MUC4: variants seen among roughly 807,000 people sequenced by gnomAD.
The protein encoded by MUC4 is mucin 4, cell surface associated.
MUC4 carries 202 observed loss-of-function variants against 257.9 expected under a neutral mutation model. That is an observed-to-expected ratio of 0.78 (90% CI 0.70 to 0.88). The LOEUF (loss-of-function observed/expected upper bound fraction) is 0.88. Among genes scored for constraint, MUC4 ranks in the 40% least tolerant of loss-of-function variants. The pLI is 0.00. For missense variants in MUC4, 5,976 were observed against 6,513.7 expected, an observed-to-expected ratio of 0.92 and a Z score of 2.84; for synonymous variants, 2,351 against 2,757.1, an observed-to-expected ratio of 0.85 and a Z score of 4.62.
chr3:195,810,840 G>C lies in MUC4; in HGVS notation c.82+896C>G, dbSNP rs776264860. On this transcript the variant is annotated intron_variant, in intron 1 of 24. Coordinates refer to ENST00000463781, the MANE Select transcript of MUC4 (RefSeq NM_018406.7). The surrounding 1 kb of genome is among the most constrained non-coding windows in gnomAD (Gnocchi z 4.2). ...TGCAGCTTTACATGAGTTTTCTTCC[G>C]TCTCCATCACCCAGCTTTCCTGGCA... Among the ~76,000 whole-genome samples the C allele has an allele frequency of 3.3e-5, 5 of 151,814 alleles. No homozygotes were observed. Among genetic ancestry groups the C allele is most frequent in the Non-Finnish European group, 5.9e-5 (4 of 67,998 alleles).
At chr3:195,754,481 G>A (rs1027804248) in intron 18 of MUC4, 109 bp from the exon 19 acceptor site, 32 of 1,360,550 alleles carry the variant, frequency 2.4e-5, no homozygotes, top group Non-Finnish European at 3.2e-5. Flanking sequence ...CCTGAGTCAT[G>A]TCTCAGCCCC....
rs200073211 is a variant in MUC4 at position 195,781,292 on chromosome 3, T to C, written c.10288A>G (p.Thr3430Ala). The C allele has an allele frequency of 2.3e-4, 300 of 1,323,978 alleles. No individual in the cohort carries two copies. In the African/African-American group the frequency reaches 5.5e-3, roughly 24 times the overall value. 82.0% of individuals were successfully genotyped at this position (1,323,978 alleles called of 1,614,324 possible). A position where few individuals can be genotyped will look rare whatever the true frequency, so the allele number is the denominator to read the frequency against. Residue 3430 changes from threonine (T) to alanine (A), a missense_variant, in exon 2 of 25, where the codon ACT becomes GCT. Around this residue, in one of 44 missense-constraint regions of MUC4, gnomAD observed 297 missense variants for 240.9 expected, o/e 1.23. Transcript: ENST00000463781. ...GCGTGACCGGTGGATGCTGAGGAAG[T>C]GCTGGTGACAGGAAGAGGGGTGGCG... ...GHATPLPVTS[T>A]SSASTGHATP... is the part of the protein sequence containing the mutation.
intron 1 of MUC4, among the ~76,000 whole-genome samples, chr3:195,802,897 G>C (rs6791220): frequency 1.3e-5 from 2 of 151,822 alleles, no homozygotes; most frequent in Non-Finnish European, 2.9e-5. Context: ...CCTTGAGGCA[G>C]CTGCAAAGGC....
intron 7 of MUC4, 44 bp downstream of exon 7, chr3:195,768,978 C>G (rs773818435): frequency 3.8e-6 from 6 of 1,590,154 alleles, no homozygotes; most frequent in Admixed American, 3.4e-5. Context: ...ACTCTACACC[C>G]CTCCCTGCCA....
At chr3:195,758,960 T>C (rs1718233744) in intron 17 of MUC4, among the ~76,000 whole-genome samples, 164 bp downstream of exon 17, 1 of 152,074 alleles carries the variant, frequency 6.6e-6, no homozygotes, top group South Asian at 2.1e-4. Context: ...GGGCACCTAT[T>C]TGAGTTATAG....
At position 195,782,583 on chromosome 3, in the gene MUC4, G is replaced by A. The variant is rs764099824; in HGVS notation, c.8997C>T (p.Ser2999=). 1 of 917,164 alleles carries A rather than the reference G, an allele frequency of 1.1e-6. No individual in the cohort carries two copies. Among genetic ancestry groups the A allele is most frequent in the Non-Finnish European group, 1.6e-6 (1 of 645,062 alleles). The allele number at this position is 917,164 out of a possible 1,614,324, so 56.8% of individuals were successfully genotyped here. The part of the protein sequence containing the change: ...HATLLPVTDT[S]SASIGHATSL... ...AGGTGGCGTGACCTATGGATGCTGA[G>A]GAAGTGTCGGTGACAGGAAGAAGGG... Residue 2999 remains serine (S), a synonymous_variant, in exon 2 of 25, where the codon TCC becomes TCT. Transcript: ENST00000463781.
Position 195,778,868 on chromosome 3 carries a change from C to T in MUC4, c.12712G>A (p.Ala4238Thr), listed in dbSNP as rs58992709. Reference sequence around the variant, plus strand: ...GCACTGCTGACAGCAAGAGGGGTGGCGTGACCTGTGGATACTGAGGAAAGG... The same window carrying T: ...GCACTGCTGACAGCAAGAGGGGTGGTGTGACCTGTGGATACTGAGGAAAGG... ...TSLSSVSTGHATPLAVSSATS... is the reference protein window; with the variant it reads ...TSLSSVSTGHTTPLAVSSATS... The change falls in exon 2 of 25, where the codon GCC (alanine) becomes ACC (threonine). Residue 4238 changes from alanine to threonine, a missense_variant. Transcript: ENST00000463781. 9.1e-4 allele frequency: 1,373 copies of T among 1,509,098 alleles called. 143 individuals carry two copies. The African/African-American group carries it at 0.031, about 35-fold the overall frequency. 93.5% of individuals were successfully genotyped at this position (1,509,098 alleles called of 1,614,324 possible).
chr3:195,767,847 TCGCCACCATCACCCCCAACACCACCAC>T (rs1560265797), intron 7 of MUC4, among the ~76,000 whole-genome samples: 26 of 45,924 alleles, frequency 5.7e-4, no homozygotes, highest in Non-Finnish European at 8.5e-4. Flanking sequence ...ACCACCACCA[TCGCCACCATCACCCCCAACACCACCAC>T]CATCACCACC....
At position 195,786,680 on chromosome 3, in the gene MUC4, G is replaced by T. The variant is rs200647473; in HGVS notation, c.4900C>A (p.Pro1634Thr). ...GATAATGAGGAAGCATTGGTGACAG[G>T]AAGAGGGGTGGTGTCACCTGTGGAT... ...SASTGDTTPL[P>T]VTNASSLSTG... The change falls in exon 2 of 25, where the codon CCT becomes ACT. Residue 1634 changes from proline to threonine, a missense_variant. Transcript: ENST00000463781. 24 of 1,537,194 alleles carry T rather than the reference G, an allele frequency of 1.6e-5. No individual in the cohort carries two copies. The highest frequency in any genetic ancestry group is 4.2e-5 in the African/African-American group (3 of 71,656).
chr3:195,749,139 C>A (rs573258918), intron 23 of MUC4, 75 bp from the exon 24 acceptor site: 1 of 1,545,264 alleles, frequency 6.5e-7, no homozygotes, highest in African/African-American at 1.4e-5. Context: ...GCCACGAATT[C>A]CTTTTCGGGT....
At chr3:195,799,359 G>A (rs959781896) in intron 1 of MUC4, among the ~76,000 whole-genome samples, 1 of 152,034 alleles carries the variant, frequency 6.6e-6, no homozygotes, top group African/African-American at 2.4e-5. Flanking sequence ...GCCCAGGCTG[G>A]AGTGCAACGG....
At position 195,774,201 on chromosome 3, in the gene MUC4, G is replaced by A. The variant is rs1251506410; in HGVS notation, c.13048C>T (p.Leu4350Phe). ...AGGGAATCACGGAGAGAGGAGCCAA[G>A]GGGGAAGCCAGTCGCCGGCTTGAAG... ...PLFKPATGFPLGSSLRDSLYF... is the reference protein window; with the variant it reads ...PLFKPATGFPFGSSLRDSLYF... The change falls in exon 4 of 25, where the codon CTT becomes TTT. Residue 4350 changes from leucine (L) to phenylalanine (F), a missense_variant. Physicochemically the swap from Leu to Phe is conservative, Grantham distance 22. This residue lies in a region of MUC4 where 233 missense variants were observed against 171.2 expected (regional missense o/e 1.36). Transcript: ENST00000463781. 1.2e-6 allele frequency: 2 copies of A among 1,608,718 alleles called. No homozygotes were observed. The highest frequency in any genetic ancestry group is 1.3e-5 in the African/African-American group (1 of 74,422).
At chr3:195,762,290 T>G in intron 13 of MUC4, 36 bp from the exon 14 acceptor site, 1 of 1,540,474 alleles carries the variant, frequency 6.5e-7, no homozygotes, top group Admixed American at 2.0e-5. Context: ...GGAAGCCAGG[T>G]CGGCACCACG....
Position 195,760,969 on chromosome 3 carries a change from A to G in MUC4, c.14763T>C (p.Tyr4921=). 6.2e-7 allele frequency: 1 copy of G among 1,614,184 alleles called. No homozygotes were observed. Among genetic ancestry groups the G allele is most frequent in the Non-Finnish European group, 8.5e-7 (1 of 1,180,024 alleles). The change falls in exon 16 of 25, where the codon TAT becomes TAC. Residue 4921 remains tyrosine, a synonymous_variant. Coordinates refer to ENST00000463781, the MANE Select transcript of MUC4 (RefSeq NM_018406.7). ...TTGCGTTGCGCAGGGCCAGGGTGTC[A>G]TAGATGCATGAGCTATCTCCGTCAC... is the stretch of plus-strand genomic sequence containing the variant. ...SNCDGDSSCI[Y]DTLALRNASI...
Position 195,790,315 on chromosome 3 carries a change from G to T in MUC4, c.1265C>A (p.Thr422Asn), listed in dbSNP as rs768282994. The change falls in exon 2 of 25, where the codon ACT becomes AAT. Residue 422 changes from threonine (T) to asparagine (N), a missense_variant. By Grantham distance (65) the Thr-to-Asn change is moderately conservative. Transcript: ENST00000463781. Reference sequence around the variant, plus strand: ...CCACCATATGGTTGAAACTTTGGAAGTGATTGCAGAAATGGTTCCACTTAC... The same window carrying T: ...CCACCATATGGTTGAAACTTTGGAATTGATTGCAGAAATGGTTCCACTTAC... ...LSVSGTISAITSKVSTIWWSD... is the reference protein window; with the variant it reads ...LSVSGTISAINSKVSTIWWSD... 2.5e-6 allele frequency: 4 copies of T among 1,613,792 alleles called. No individual in the cohort carries two copies. Among genetic ancestry groups the T allele is most frequent in the Non-Finnish European group, 3.4e-6 (4 of 1,179,784 alleles).
At chr3:195,791,713 G>A (rs1346640623) in intron 1 of MUC4, among the ~76,000 whole-genome samples, 1 of 152,024 alleles carries the variant, frequency 6.6e-6, no homozygotes, top group African/African-American at 2.4e-5. Context: ...AGAACAAAGT[G>A]GGAGGCTACC....
At chr3:195,800,546 T>C (rs1483316835) in intron 1 of MUC4, among the ~76,000 whole-genome samples, 2 of 152,302 alleles carry the variant, frequency 1.3e-5, no homozygotes, top group East Asian at 3.9e-4. Context: ...CATTTGTCTT[T>C]CACCATCATT....
Position 195,790,677 on chromosome 3 carries a change from A to G in MUC4, c.903T>C (p.Asp301=). Residue 301 remains aspartate, a synonymous_variant, in exon 2 of 25, where the codon GAT becomes GAC. Transcript: ENST00000463781. The stretch of plus-strand genomic sequence containing the variant: ...AAGTTGCTGGTGATTGTCCTTCTGG[A>G]TCAAATGTTACTAAGGCTGCTGAGG... ...PVTSAALVTF[D]PEGQSPATFS... 6.2e-7 allele frequency: 1 copy of G among 1,613,910 alleles called. No individual in the cohort carries two copies.
chr3:195,782,239 G>T lies in MUC4; in HGVS notation c.9341C>A (p.Ser3114Tyr), dbSNP rs1163131062. Reference sequence around the variant, plus strand: ...AGGAAGAGGGGTGGTGTGACCTGTGGATGCTGAGGAAGGGCTAGTGACAGG... The same window carrying T: ...AGGAAGAGGGGTGGTGTGACCTGTGTATGCTGAGGAAGGGCTAGTGACAGG... ...PLPVTSPSSA[S>Y]TGHTTPLPVT... The change falls in exon 2 of 25, where the codon TCC (serine) becomes TAC (tyrosine). Residue 3114 changes from serine (S) to tyrosine (Y), a missense_variant. Coordinates refer to ENST00000463781, the MANE Select transcript of MUC4 (RefSeq NM_018406.7). The T allele has an allele frequency of 6.5e-7, 1 of 1,531,346 alleles. No homozygotes were observed. The highest frequency in any genetic ancestry group is 8.8e-7 in the Non-Finnish European group (1 of 1,137,364). 94.9% of individuals were successfully genotyped at this position (1,531,346 alleles called of 1,614,324 possible). A position where few individuals can be genotyped will look rare whatever the true frequency, so the allele number is the denominator to read the frequency against.
Sources: allele counts gnomAD v4.1 joint callset (sites outside exome capture counted in the v4.1 genomes callset), GRCh38; gene constraint gnomAD v4.1.1; regional missense constraint gnomAD v4.1.1; non-coding constraint Gnocchi (gnomAD v3.1); transcripts MANE v1.5; gene names NCBI Gene and HGNC (gene_info 2026-07-23, HGNC 2026-07-21).